Variants in LRMDA observed in about 807,000 individuals in gnomAD.
LRMDA encodes leucine rich melanocyte differentiation associated, also known as leucine-rich melanocyte differentiation-associated protein.
A neutral mutation model predicts 29.8 loss-of-function variants in LRMDA; 18 were observed. The observed-to-expected ratio is 0.60, with a 90% confidence interval of 0.42 to 0.90. LRMDA has a LOEUF of 0.90. Ranked by LOEUF, LRMDA falls within the 40% of genes least tolerant of loss-of-function variation. The pLI is 0.00. For synonymous variants in LRMDA, 125 were observed against 109.4 expected, an observed-to-expected ratio of 1.14 and a Z score of -0.89; for missense variants, 273 against 273.9, an observed-to-expected ratio of 1.00 and a Z score of 0.02.
At chr10:75,833,679 A>G (rs1289781858) in intron 2 of LRMDA, among the ~76,000 whole-genome samples, 2 of 152,188 alleles carry the variant, frequency 1.3e-5, no homozygotes, top group Non-Finnish European at 2.9e-5. Flanking sequence ...AAATCTCATG[A>G]TCTCAATAAT....
At chr10:76,001,813 C>G in intron 2 of LRMDA, among the ~76,000 whole-genome samples, 1 of 152,108 alleles carries the variant, frequency 6.6e-6, no homozygotes, top group South Asian at 2.1e-4. Context: ...TGAAAACAGA[C>G]CTCTTTGCAG....
At chr10:75,991,917 A>G (rs1053138160) in intron 2 of LRMDA, among the ~76,000 whole-genome samples, 3 of 152,226 alleles carry the variant, frequency 2.0e-5, no homozygotes, top group South Asian at 2.1e-4. Flanking sequence ...TCAAGTGGAC[A>G]TAGTGTTTGA....
chr10:76,144,691 T>C (rs1197806236), intron 5 of LRMDA, among the ~76,000 whole-genome samples: 1 of 152,164 alleles, frequency 6.6e-6, no homozygotes, highest in Non-Finnish European at 1.5e-5. Flanking sequence ...TATTTCCTTC[T>C]CCTGCCTGAT....
intron 5 of LRMDA, among the ~76,000 whole-genome samples, chr10:76,251,443 G>A (rs1219743955): frequency 6.6e-6 from 1 of 151,074 alleles, no homozygotes; most frequent in African/African-American, 2.4e-5. Flanking sequence ...TAGTAGAGAC[G>A]GGGTTTCACC....
intron 2 of LRMDA, among the ~76,000 whole-genome samples, chr10:75,604,689 G>C (rs1327684212): frequency 6.6e-6 from 1 of 152,144 alleles, no homozygotes; most frequent in Non-Finnish European, 1.5e-5. Flanking sequence ...GCCTGCCCAG[G>C]GGTGATACTG....
chr10:75,928,320 A>G (rs372598272), intron 2 of LRMDA, among the ~76,000 whole-genome samples: 33 of 151,512 alleles, frequency 2.2e-4, no homozygotes, highest in South Asian at 2.1e-3. Context: ...AGATTGCTAC[A>G]GTTATCTGGA....
intron 2 of LRMDA, among the ~76,000 whole-genome samples, chr10:75,520,313 A>G (rs1845341396): frequency 6.6e-6 from 1 of 152,164 alleles, no homozygotes; most frequent in African/African-American, 2.4e-5. Flanking sequence ...TTTCAGGTAC[A>G]CCCATCAAAC....
At chr10:76,448,402 T>C (rs1842373730) in intron 6 of LRMDA, among the ~76,000 whole-genome samples, 1 of 152,148 alleles carries the variant, frequency 6.6e-6, no homozygotes, top group Non-Finnish European at 1.5e-5. Context: ...AATTACTTAG[T>C]AAAAGAGTAT....
At chr10:76,032,044 T>C (rs1848158326) in intron 2 of LRMDA, among the ~76,000 whole-genome samples, 2 of 152,190 alleles carry the variant, frequency 1.3e-5, no homozygotes, top group Non-Finnish European at 1.5e-5. Flanking sequence ...CTGGTGGTTT[T>C]TATGGTACAA....
intron 6 of LRMDA, among the ~76,000 whole-genome samples, chr10:76,482,282 T>C (rs148929934): frequency 1.6e-3 from 250 of 152,042 alleles, no homozygotes; most frequent in African/African-American, 5.5e-3. Context: ...GTTCACAAAG[T>C]GAACAGACCT....
chr10:75,438,629 T>C (rs1338344470), intron 2 of LRMDA, 135 bp downstream of exon 2: 1 of 674,954 alleles, frequency 1.5e-6, no homozygotes, highest in Admixed American at 2.6e-5. Flanking sequence ...GGCTCTGAGA[T>C]GCGTGGAATC....
At chr10:76,281,531 C>T (rs1001313203) in intron 5 of LRMDA, among the ~76,000 whole-genome samples, 1 of 152,246 alleles carries the variant, frequency 6.6e-6, no homozygotes, top group African/African-American at 2.4e-5. Flanking sequence ...TTCCCCAAAT[C>T]CACATCCTTT....
chr10:75,822,979 A>T (rs1844187600), intron 2 of LRMDA, among the ~76,000 whole-genome samples: 1 of 152,234 alleles, frequency 6.6e-6, no homozygotes, highest in Non-Finnish European at 1.5e-5. Flanking sequence ...TATAAAAATG[A>T]GCTCAAGATG....
chr10:76,441,524 A>G (rs1842302646), intron 6 of LRMDA, among the ~76,000 whole-genome samples: 1 of 152,194 alleles, frequency 6.6e-6, no homozygotes, highest in Non-Finnish European at 1.5e-5. Flanking sequence ...TAAGAACAAC[A>G]ACAAATACAC....
intron 2 of LRMDA, among the ~76,000 whole-genome samples, chr10:75,848,521 G>A (rs1844679167): frequency 6.6e-6 from 1 of 152,132 alleles, no homozygotes; most frequent in Non-Finnish European, 1.5e-5. Flanking sequence ...CTGAGTCCTG[G>A]TACTGTGATC....
chr10:76,212,466 G>A (rs1412184959), intron 5 of LRMDA, among the ~76,000 whole-genome samples: 1 of 151,726 alleles, frequency 6.6e-6, no homozygotes, highest in African/African-American at 2.4e-5. Context: ...TTTTTGGAAG[G>A]AAGTGTCTGC....
intron 6 of LRMDA, among the ~76,000 whole-genome samples, chr10:76,532,792 C>A (rs1362766042): frequency 6.6e-6 from 1 of 152,112 alleles, no homozygotes; most frequent in African/African-American, 2.4e-5. Context: ...AGGGTTAGAA[C>A]CTTTACTTTA....
chr10:75,812,269 A>G (rs1285307559), intron 2 of LRMDA, among the ~76,000 whole-genome samples: 26 of 152,052 alleles, frequency 1.7e-4, no homozygotes, highest in Admixed American at 1.7e-3. Context: ...CTCTTTAAAT[A>G]AGATCAACAC....
intron 2 of LRMDA, among the ~76,000 whole-genome samples, chr10:75,789,816 A>G (rs1050322691): frequency 6.6e-6 from 1 of 152,214 alleles, no homozygotes; most frequent in Non-Finnish European, 1.5e-5. Context: ...ATGTTGATTA[A>G]TACGAGTCTT....
Sources: gnomAD v4.1 joint callset for allele counts (sites outside exome capture counted in the v4.1 genomes callset) on GRCh38, gnomAD v4.1.1 for gene constraint, MANE v1.5 for transcripts, NCBI Gene and HGNC (gene_info 2026-07-23, HGNC 2026-07-21) for gene names.